Variants in SLC22A3 observed in about 807,000 individuals in gnomAD.
SLC22A3 encodes EMT organic cation transporter 3.
In SLC22A3, 51 loss-of-function variants were observed where a neutral mutation model predicts 59.1. The ratio of observed to expected loss-of-function variants is 0.86; its 90% CI spans 0.69 to 1.09. The LOEUF is 1.09. SLC22A3 is among the 50% of genes least tolerant of loss of function. The pLI is 0.00. For synonymous variants in SLC22A3, 325 were observed against 292.0 expected (o/e 1.11, Z -1.15); for missense variants, 711 against 726.3 (o/e 0.98, Z 0.24).
chr6:160,378,530 A>G (rs372074874), intron 1 of SLC22A3, among the ~76,000 whole-genome samples: 1 of 152,208 alleles, frequency 6.6e-6, no homozygotes, highest in Non-Finnish European at 1.5e-5. Flanking sequence ...TTAAAATCTA[A>G]TCAGATATGG....
Position 160,436,798 on chromosome 6 carries a change from G to T in SLC22A3, c.994G>T (p.Glu332Ter), listed in dbSNP as rs755807726. Residue 332 changes from glutamate to a stop codon, truncating the protein, a stop_gained, in exon 6 of 11, where the codon GAA becomes TAA. Transcript: ENST00000275300. LOFTEE classifies it high-confidence loss of function. ...NYSEITVTDEEVSNPSFLDLV... is the reference protein window; with the variant it reads ...NYSEITVTDE ...TATATAGATCACTGTTACAGATGAGGAAGTTAGTAATCCATCCTTTTTAGA... is the reference window on the plus strand; with the variant it reads ...TATATAGATCACTGTTACAGATGAGTAAGTTAGTAATCCATCCTTTTTAGA... 1.4e-5 allele frequency: 23 copies of T among 1,611,726 alleles called. No homozygotes were observed. The highest frequency in any genetic ancestry group is 1.5e-5 in the Non-Finnish European group (18 of 1,178,112).
chr6:160,360,966 G>A (rs1020703829), intron 1 of SLC22A3, among the ~76,000 whole-genome samples: 3 of 152,176 alleles, frequency 2.0e-5, no homozygotes, highest in Non-Finnish European at 2.9e-5. Flanking sequence ...AGAAGGGGTA[G>A]GGAGTAAGAG....
chr6:160,351,717 A>C (rs920782099), intron 1 of SLC22A3, among the ~76,000 whole-genome samples: 2 of 152,212 alleles, frequency 1.3e-5, no homozygotes, highest in Non-Finnish European at 2.9e-5. Flanking sequence ...GAGTTTACAA[A>C]GTGGGCGGGA....
intron 5 of SLC22A3, among the ~76,000 whole-genome samples, chr6:160,425,413 A>G (rs1352747107): frequency 6.6e-6 from 1 of 152,162 alleles, no homozygotes; most frequent in Non-Finnish European, 1.5e-5. Flanking sequence ...CAAGGCATCT[A>G]TTTTTAAAAT....
intron 2 of SLC22A3, among the ~76,000 whole-genome samples, chr6:160,403,580 G>C (rs1365939337): frequency 6.6e-6 from 1 of 151,820 alleles, no homozygotes; most frequent in East Asian, 1.9e-4. Context: ...AAATTGGACA[G>C]ACATTACAAC....
At chr6:160,419,040 G>T (rs1274182320) in intron 5 of SLC22A3, among the ~76,000 whole-genome samples, 1 of 152,080 alleles carries the variant, frequency 6.6e-6, no homozygotes, top group Non-Finnish European at 1.5e-5. Context: ...GTGACATCAG[G>T]AACGGAATTT....
At chr6:160,367,613 G>C (rs1785251268) in intron 1 of SLC22A3, among the ~76,000 whole-genome samples, 1 of 152,212 alleles carries the variant, frequency 6.6e-6, no homozygotes, top group Non-Finnish European at 1.5e-5. Context: ...CTGCTGCTCA[G>C]TGTCTTCCGC....
At chr6:160,443,462 C>T (rs114829778) in intron 8 of SLC22A3, among the ~76,000 whole-genome samples, 168 bp from the exon 9 acceptor site, 2,554 of 152,286 alleles carry the variant, frequency 0.017, 62 homozygotes, top group African/African-American at 0.059. Flanking sequence ...GTGAAACGTG[C>T]AGAATGGAAA....
intron 1 of SLC22A3, among the ~76,000 whole-genome samples, chr6:160,366,307 T>C (rs1785202635): frequency 6.6e-6 from 1 of 152,146 alleles, no homozygotes; most frequent in African/African-American, 2.4e-5. Context: ...ATACAGGCAT[T>C]GGGTAAATAC....
At chr6:160,416,466 A>C (rs1158976662) in intron 5 of SLC22A3, among the ~76,000 whole-genome samples, 1 of 125,000 alleles carries the variant, frequency 8.0e-6, no homozygotes, top group African/African-American at 4.3e-5. Context: ...AGGCTTACTT[A>C]AAAAAAAAAA....
Position 160,397,475 on chromosome 6 carries a change from C to A in SLC22A3, c.430-504C>A, listed in dbSNP as rs962894882. 2.0e-5 allele frequency among the ~76,000 whole-genome samples: 3 copies of A among 151,976 alleles called. No homozygotes were observed. In the South Asian group the frequency reaches 6.3e-4, roughly 32 times the overall value. On this transcript the variant is annotated intron_variant, in intron 1 of 10. Coordinates refer to ENST00000275300, the MANE Select transcript of SLC22A3 (RefSeq NM_021977.4). Reference sequence around the variant, plus strand: ...TGTTGGCCAGGCGCGGTGGCTCACTCCTATAATCCCAGCACTTTGGGAGTT... The same window carrying A: ...TGTTGGCCAGGCGCGGTGGCTCACTACTATAATCCCAGCACTTTGGGAGTT...
At chr6:160,430,779 T>A (rs1161612219) in intron 5 of SLC22A3, among the ~76,000 whole-genome samples, 1 of 152,206 alleles carries the variant, frequency 6.6e-6, no homozygotes, top group Non-Finnish European at 1.5e-5. Context: ...CTCCCTTTGC[T>A]TCAAATCAAA....
intron 5 of SLC22A3, among the ~76,000 whole-genome samples, chr6:160,421,278 A>G (rs1435090415): frequency 3.9e-5 from 6 of 152,100 alleles, no homozygotes; most frequent in Non-Finnish European, 1.5e-5. Context: ...AACAAGTCCT[A>G]TTGCTTGGTG....
chr6:160,431,857 A>T (rs984249999), intron 5 of SLC22A3, among the ~76,000 whole-genome samples: 2 of 152,194 alleles, frequency 1.3e-5, no homozygotes, highest in African/African-American at 4.8e-5. Flanking sequence ...GGTTTGGACA[A>T]TAAGGACATT....
chr6:160,377,678 T>C (rs184430699), intron 1 of SLC22A3, among the ~76,000 whole-genome samples: 3 of 152,256 alleles, frequency 2.0e-5, no homozygotes, highest in Admixed American at 2.0e-4. Context: ...CAACTGGAAA[T>C]GTTATGAAAA....
At chr6:160,357,453 A>C (rs1784879059) in intron 1 of SLC22A3, among the ~76,000 whole-genome samples, 1 of 152,216 alleles carries the variant, frequency 6.6e-6, no homozygotes, top group African/African-American at 2.4e-5. Flanking sequence ...GTGTGCTTCC[A>C]GGCTAGTGGG....
At chr6:160,448,182 G>A (rs1006147256) in intron 10 of SLC22A3, among the ~76,000 whole-genome samples, 11 of 152,146 alleles carry the variant, frequency 7.2e-5, no homozygotes, top group Admixed American at 2.0e-4. Flanking sequence ...GTGAGGATGC[G>A]TCAGGTCTGT....
chr6:160,408,777 A>G lies in SLC22A3; in HGVS notation c.713A>G (p.Gln238Arg), dbSNP rs1488991946. 3 of 1,613,766 alleles carry G rather than the reference A, an allele frequency of 1.9e-6. No homozygotes were observed. Among genetic ancestry groups the G allele is most frequent in the Non-Finnish European group, 2.5e-6 (3 of 1,179,800 alleles). Residue 238 changes from glutamine to arginine, a missense_variant, in exon 4 of 11, where the codon CAA (glutamine) becomes CGA (arginine). Coordinates refer to ENST00000275300, the MANE Select transcript of SLC22A3 (RefSeq NM_021977.4). The stretch of plus-strand genomic sequence containing the variant: ...GTGACAGAAATAGTAGGTTCGAAAC[A>G]AAGGAGGATTGTGGGAATCGTGATT... ...VIVTEIVGSK[Q>R]RRIVGIVIQM...
At chr6:160,381,265 CTTT>C (rs1266802775) in intron 1 of SLC22A3, among the ~76,000 whole-genome samples, 1 of 152,176 alleles carries the variant, frequency 6.6e-6, no homozygotes, top group East Asian at 1.9e-4. Flanking sequence ...GCCTGAAGGT[CTTT>C]TATCTGTACA....
Sources: gnomAD v4.1 joint callset for allele counts (sites outside exome capture counted in the v4.1 genomes callset) on GRCh38, gnomAD v4.1.1 for gene constraint, MANE v1.5 for transcripts, NCBI Gene and HGNC (gene_info 2026-07-23, HGNC 2026-07-21) for gene names.